Variants in PXDNL observed in about 807,000 individuals in gnomAD.
PXDNL encodes the protein probable oxidoreductase PXDNL.
PXDNL carries 145 observed loss-of-function variants against 150.8 expected under a neutral mutation model. The ratio of observed to expected loss-of-function variants is 0.96; its 90% CI spans 0.84 to 1.10. The LOEUF (loss-of-function observed/expected upper bound fraction) is 1.10. PXDNL is among the 50% of genes least tolerant of loss of function. PXDNL has a pLI of 0.00. For synonymous variants in PXDNL, 757 were observed against 725.7 expected (o/e 1.04, Z -0.69); for missense variants, 2,087 against 1,873.9 (o/e 1.11, Z -2.10).
At chr8:51,684,116 G>A (rs948202506) in intron 1 of PXDNL, among the ~76,000 whole-genome samples, 1 of 152,120 alleles carries the variant, frequency 6.6e-6, no homozygotes, top group Non-Finnish European at 1.5e-5. Context: ...AGCTGCGTTT[G>A]GTTTTATGGC....
chr8:51,689,802 G>T (rs1815951536), intron 1 of PXDNL, among the ~76,000 whole-genome samples: 1 of 152,198 alleles, frequency 6.6e-6, no homozygotes. Flanking sequence ...TGAGAAGAAT[G>T]ACGTTCCACT....
intron 2 of PXDNL, among the ~76,000 whole-genome samples, chr8:51,628,230 A>G (rs1382330125): frequency 6.6e-6 from 1 of 151,994 alleles, no homozygotes; most frequent in African/African-American, 2.4e-5. Context: ...ACACAAACAG[A>G]AAGTAAAGAC....
At chr8:51,369,553 C>T (rs1807029245) in intron 19 of PXDNL, among the ~76,000 whole-genome samples, 1 of 151,912 alleles carries the variant, frequency 6.6e-6, no homozygotes, top group Non-Finnish European at 1.5e-5. Context: ...TAATGGTTCT[C>T]ATTACAAACA....
In PXDNL at chr8:51,693,183, A is replaced by T. The variant is rs1816036602; in HGVS notation, c.165-38423T>A. ...AAAAGAAATACCATGAAAGTTGCAGACAATAAGAAAATCTTTTCCCTTTAG... is the reference window on the plus strand; with the variant it reads ...AAAAGAAATACCATGAAAGTTGCAGTCAATAAGAAAATCTTTTCCCTTTAG... On this transcript the variant is annotated intron_variant, in intron 1 of 22. Coordinates refer to ENST00000356297, the MANE Select transcript of PXDNL (RefSeq NM_144651.5). Among the ~76,000 whole-genome samples, 4 of 152,354 alleles carry T rather than the reference A, an allele frequency of 2.6e-5. No individual in the cohort carries two copies. In the South Asian group the frequency reaches 8.3e-4, roughly 32 times the overall value.
At chr8:51,559,604 T>A (rs573990063) in intron 3 of PXDNL, among the ~76,000 whole-genome samples, 2 of 151,632 alleles carry the variant, frequency 1.3e-5, no homozygotes, top group African/African-American at 4.8e-5. Context: ...ATCTCTAGAG[T>A]CCACCCTCAG....
chr8:51,432,618 A>T (rs1809277958), intron 12 of PXDNL, among the ~76,000 whole-genome samples: 1 of 152,218 alleles, frequency 6.6e-6, no homozygotes, highest in African/African-American at 2.4e-5. Context: ...CTTTCTTGTC[A>T]TTTTAAGGAG....
intron 19 of PXDNL, among the ~76,000 whole-genome samples, chr8:51,365,324 T>A (rs1806880607): frequency 6.6e-6 from 1 of 152,224 alleles, no homozygotes; most frequent in Non-Finnish European, 1.5e-5. Flanking sequence ...AACAGAGAAG[T>A]GTCTGTGTAG....
At chr8:51,436,404 T>C in intron 12 of PXDNL, 1 of 407,800 alleles carries the variant, frequency 2.5e-6, no homozygotes, top group East Asian at 6.5e-5. Flanking sequence ...TGCATTGCCA[T>C]GTCATAAGAT....
Position 51,652,244 on chromosome 8 carries a change from T to A in PXDNL, c.236+2445A>T, listed in dbSNP as rs994978157. ...AAATTTAACTTTATTTTTTAAAAAA[T>A]GTGTCCTTATTTCTTTTGCTTTTAC... On this transcript the variant is annotated intron_variant, in intron 2 of 22. Transcript: ENST00000356297. Among the ~76,000 whole-genome samples, 4 of 152,170 alleles carry A rather than the reference T, an allele frequency of 2.6e-5. No individual in the cohort carries two copies. The East Asian group carries it at 7.7e-4, about 29-fold the overall frequency.
chr8:51,459,169 C>T (rs553712391), intron 8 of PXDNL, among the ~76,000 whole-genome samples: 2 of 152,314 alleles, frequency 1.3e-5, no homozygotes, highest in South Asian at 4.2e-4. Context: ...GTGCCTCATG[C>T]CTGTAATCCC....
At chr8:51,669,211 CTT>C (rs1162813461) in intron 1 of PXDNL, among the ~76,000 whole-genome samples, 6 of 152,262 alleles carry the variant, frequency 3.9e-5, no homozygotes, top group Admixed American at 6.5e-5. Flanking sequence ...AATGCGGAAA[CTT>C]AATGTAGAAA....
intron 3 of PXDNL, among the ~76,000 whole-genome samples, chr8:51,583,923 T>C (rs4513964): frequency 0.19 from 28,554 of 152,170 alleles, 2,801 homozygotes; most frequent in Admixed American, 0.24. Flanking sequence ...AGAGAAAAGA[T>C]AGACGTATAG....
intron 6 of PXDNL, 53 bp from the exon 7 acceptor site, chr8:51,475,194 G>A (rs1810446171): frequency 6.6e-7 from 1 of 1,516,932 alleles, no homozygotes. Flanking sequence ...TAATTTCTAT[G>A]ATGAATCTTT....
intron 18 of PXDNL, among the ~76,000 whole-genome samples, chr8:51,374,322 A>G (rs1196745941): frequency 6.6e-6 from 1 of 152,252 alleles, no homozygotes; most frequent in Non-Finnish European, 1.5e-5. Context: ...AGATTTAAGC[A>G]CAACGTAGTC....
chr8:51,412,068 C>T (rs187181676), intron 15 of PXDNL, among the ~76,000 whole-genome samples: 6 of 152,256 alleles, frequency 3.9e-5, no homozygotes, highest in Non-Finnish European at 8.8e-5. Flanking sequence ...CACTGACCAG[C>T]ACATAATAGC....
Position 51,408,392 on chromosome 8 carries a change from G to A in PXDNL, c.3232C>T (p.His1078Tyr), listed in dbSNP as rs1302002291. The change falls in exon 17 of 23, where the codon CAC becomes TAC. Residue 1078 changes from histidine to tyrosine, a missense_variant. Physicochemically the swap from His to Tyr is moderately conservative, Grantham distance 83. Coordinates refer to ENST00000356297, the MANE Select transcript of PXDNL (RefSeq NM_144651.5). ...AAGAGCGCTTTATGGAACGGAAGGT[G>A]GCCTTCGGAAATTTCACCTAAGGTG... The part of the protein sequence containing the change: ...NATLGEISEG[H>Y]LPFHKALFSP... 1.2e-6 allele frequency: 2 copies of A among 1,614,054 alleles called. No homozygotes were observed. Among genetic ancestry groups the A allele is most frequent in the Non-Finnish European group, 8.5e-7 (1 of 1,179,900 alleles).
chr8:51,701,756 G>A (rs1369175760), intron 1 of PXDNL, among the ~76,000 whole-genome samples: 1 of 152,098 alleles, frequency 6.6e-6, no homozygotes. Context: ...TTCAATAAAG[G>A]GAAGTTGAGA....
rs746840488 is a variant in PXDNL at position 51,519,427 on chromosome 8, G to T, written c.381-19657C>A. Among the ~76,000 whole-genome samples the T allele has an allele frequency of 5.8e-4, 88 of 152,130 alleles. 1 individual carries two copies. The highest frequency in any genetic ancestry group is 1.1e-3 in the Non-Finnish European group (73 of 68,016). On this transcript the variant is annotated intron_variant, in intron 4 of 22. Coordinates refer to ENST00000356297, the MANE Select transcript of PXDNL (RefSeq NM_144651.5). ...GTGCGCCTATAATCCCAGGTACTTG[G>T]GAGACTGAGACAGGAGAATTGCTTG...
At chr8:51,395,010 T>C (rs1034510428) in intron 17 of PXDNL, among the ~76,000 whole-genome samples, 1 of 152,142 alleles carries the variant, frequency 6.6e-6, no homozygotes, top group Admixed American at 6.5e-5. Context: ...CCATGAGATA[T>C]AACCTGCTCA....
Sources: allele counts gnomAD v4.1 joint callset (sites outside exome capture counted in the v4.1 genomes callset), GRCh38; gene constraint gnomAD v4.1.1; transcripts MANE v1.5; gene names NCBI Gene and HGNC (gene_info 2026-07-23, HGNC 2026-07-21).